Variants in DGKI observed in about 807,000 individuals in gnomAD.
The protein encoded by DGKI is DAG kinase iota.
DGKI carries 55 observed loss-of-function variants against 147.5 expected under a neutral mutation model. The ratio of observed to expected loss-of-function variants is 0.37; its 90% CI spans 0.30 to 0.47. DGKI has a LOEUF of 0.47. Ranked by LOEUF, DGKI falls within the 20% of genes least tolerant of loss-of-function variation. The probability of loss-of-function intolerance (pLI) is 1.00; values close to 1 mark genes in which losing one functional copy is unlikely to be tolerated. For missense variants in DGKI, 1,007 were observed against 1,323.8 expected (o/e 0.76, Z 3.71); for synonymous variants, 469 against 477.1 (o/e 0.98, Z 0.22).
chr7:137,656,424 A>C (rs1222265933), intron 4 of DGKI, 42 bp downstream of exon 4: 2 of 1,606,914 alleles, frequency 1.2e-6, no homozygotes, highest in South Asian at 2.2e-5. Context: ...AAGACCAAAT[A>C]CTTGCAATGT....
chr7:137,736,610 C>T (rs1795029959), intron 1 of DGKI, among the ~76,000 whole-genome samples: 1 of 152,070 alleles, frequency 6.6e-6, no homozygotes, highest in Non-Finnish European at 1.5e-5. Context: ...CAAACAACCA[C>T]CCCACAAATT....
intron 1 of DGKI, among the ~76,000 whole-genome samples, chr7:137,769,149 T>C (rs888311520): frequency 2.0e-5 from 3 of 152,234 alleles, no homozygotes; most frequent in Non-Finnish European, 4.4e-5. Context: ...AATCTCTTGC[T>C]GCTTCTGCGA....
At chr7:137,745,484 C>T (rs979473211) in intron 1 of DGKI, among the ~76,000 whole-genome samples, 1 of 152,212 alleles carries the variant, frequency 6.6e-6, no homozygotes, top group South Asian at 2.1e-4. Context: ...ATCACTATGA[C>T]TAGCATGATA....
intron 1 of DGKI, among the ~76,000 whole-genome samples, chr7:137,820,667 G>T (rs943909386): frequency 6.6e-6 from 1 of 152,124 alleles, no homozygotes; most frequent in Non-Finnish European, 1.5e-5. Flanking sequence ...CAGTGTCTCT[G>T]GGGGCTGTGG....
chr7:137,710,870 AACTAATAGAT>A (rs1326951737), intron 1 of DGKI, among the ~76,000 whole-genome samples: 4 of 152,200 alleles, frequency 2.6e-5, no homozygotes, highest in African/African-American at 9.6e-5. Context: ...TGTTTTCTAC[AACTAATAGAT>A]ACTAATAAGA....
At chr7:137,440,389 G>A (rs1280614174) in intron 28 of DGKI, among the ~76,000 whole-genome samples, 1 of 152,158 alleles carries the variant, frequency 6.6e-6, no homozygotes. Context: ...GGAGGGAGAA[G>A]TTGTTATTTT....
chr7:137,551,618 C>T (rs924008621), intron 20 of DGKI, among the ~76,000 whole-genome samples: 6 of 152,200 alleles, frequency 3.9e-5, no homozygotes, highest in Non-Finnish European at 5.9e-5. Flanking sequence ...GTCCCCTTCT[C>T]CAACCCCACA....
chr7:137,394,022 C>G (rs910508516), intron 32 of DGKI, among the ~76,000 whole-genome samples: 4 of 152,032 alleles, frequency 2.6e-5, no homozygotes, highest in African/African-American at 9.7e-5. Flanking sequence ...AACCATTGGC[C>G]CCAAACCTGA....
chr7:137,731,463 A>G (rs1794881510), intron 1 of DGKI, among the ~76,000 whole-genome samples: 2 of 152,132 alleles, frequency 1.3e-5, no homozygotes, highest in African/African-American at 4.8e-5. Context: ...GCACAGATCT[A>G]ACAAATGGCA....
chr7:137,586,046 G>C (rs186674372), intron 13 of DGKI, among the ~76,000 whole-genome samples: 19 of 152,228 alleles, frequency 1.2e-4, no homozygotes, highest in Admixed American at 2.6e-4. Context: ...AGGTTAATTT[G>C]CCCAAAGGTC....
chr7:137,680,750 C>T (rs1277129875), intron 2 of DGKI, among the ~76,000 whole-genome samples: 1 of 151,698 alleles, frequency 6.6e-6, no homozygotes, highest in Non-Finnish European at 1.5e-5. Flanking sequence ...CATTGCACTC[C>T]AGTCTGGGCA....
At chr7:137,477,862 TG>T (rs1815230395) in intron 23 of DGKI, among the ~76,000 whole-genome samples, 1 of 152,120 alleles carries the variant, frequency 6.6e-6, no homozygotes, top group African/African-American at 2.4e-5. Flanking sequence ...GGTTTCACCA[TG>T]TTACCCAGAC....
intron 21 of DGKI, among the ~76,000 whole-genome samples, chr7:137,517,008 A>C (rs1816766609): frequency 6.6e-6 from 1 of 151,804 alleles, no homozygotes; most frequent in Non-Finnish European, 1.5e-5. Flanking sequence ...ATCACCAGGG[A>C]TGTCATGTGT....
At chr7:137,532,189 T>C (rs2128957197) in intron 20 of DGKI, among the ~76,000 whole-genome samples, 1 of 152,250 alleles carries the variant, frequency 6.6e-6, no homozygotes, top group East Asian at 1.9e-4. Flanking sequence ...GAATGGAATG[T>C]ATGAGCTACA....
At chr7:137,765,862 AT>A (rs1796001469) in intron 1 of DGKI, among the ~76,000 whole-genome samples, 1 of 152,160 alleles carries the variant, frequency 6.6e-6, no homozygotes. Context: ...GACACACTCT[AT>A]TGTCAATTTC....
intron 30 of DGKI, among the ~76,000 whole-genome samples, chr7:137,404,492 C>A (rs866046107): frequency 6.6e-6 from 1 of 152,134 alleles, no homozygotes; most frequent in Non-Finnish European, 1.5e-5. Context: ...ATCAAAAATG[C>A]GGTGATCCTT....
At chr7:137,601,062 G>C (rs921133996) in intron 10 of DGKI, among the ~76,000 whole-genome samples, 2 of 151,240 alleles carry the variant, frequency 1.3e-5, no homozygotes, top group Non-Finnish European at 2.9e-5. Flanking sequence ...ACAAGGTCAG[G>C]AGATTGAGAC....
At chr7:137,801,285 T>C (rs1224738811) in intron 1 of DGKI, among the ~76,000 whole-genome samples, 1 of 152,010 alleles carries the variant, frequency 6.6e-6, no homozygotes, top group East Asian at 1.9e-4. Context: ...CTCCCTGGAG[T>C]TGGAAATGGG....
intron 6 of DGKI, among the ~76,000 whole-genome samples, chr7:137,643,425 T>C (rs940141943): frequency 2.6e-5 from 4 of 151,568 alleles, no homozygotes; most frequent in African/African-American, 9.7e-5. Flanking sequence ...AATAGAGCCA[T>C]AGCTTTCCTG....
Sources: gnomAD v4.1 joint callset for allele counts (sites outside exome capture counted in the v4.1 genomes callset) on GRCh38, gnomAD v4.1.1 for gene constraint, MANE v1.5 for transcripts, NCBI Gene and HGNC (gene_info 2026-07-23, HGNC 2026-07-21) for gene names.